The following DPP6 variants were observed in gnomAD, a reference collection of about 807,000 sequenced individuals.
The protein encoded by DPP6 is A-type potassium channel modulatory protein DPP6.
A neutral mutation model predicts 122.6 loss-of-function variants in DPP6; 69 were observed. That is an observed-to-expected ratio of 0.56 (90% CI 0.46 to 0.69). The LOEUF is 0.69. Ranked by LOEUF, DPP6 falls within the 30% of genes least tolerant of loss-of-function variation. The pLI is 0.00. For synonymous variants in DPP6, 418 were observed against 433.1 expected, an observed-to-expected ratio of 0.97 and a Z score of 0.43; for missense variants, 928 against 1,116.9, an observed-to-expected ratio of 0.83 and a Z score of 2.41.
At position 154,801,862 on chromosome 7, in the gene DPP6, A is replaced by C. The variant is rs1587186912; in HGVS notation, c.1407+400A>C. The stretch of plus-strand genomic sequence containing the variant: ...ACATCCCTCAGGGGTCCAGCCTCCC[A>C]TGCTGCCCTACCTCCACCCGGAGTT... On this transcript the variant is annotated intron_variant, in intron 13 of 25. Transcript: ENST00000377770. Among the ~76,000 whole-genome samples the C allele has an allele frequency of 2.0e-5, 3 of 151,986 alleles. No individual in the cohort carries two copies. The East Asian group carries it at 5.8e-4, about 29-fold the overall frequency.
chr7:154,520,082 C>T (rs1355330569), intron 3 of DPP6, among the ~76,000 whole-genome samples: 1 of 152,122 alleles, frequency 6.6e-6, no homozygotes, highest in Non-Finnish European at 1.5e-5. Flanking sequence ...CCAAATTCTC[C>T]TGATTCCAAA....
At chr7:154,798,906 G>A (rs947977790) in intron 12 of DPP6, among the ~76,000 whole-genome samples, 1 of 152,190 alleles carries the variant, frequency 6.6e-6, no homozygotes, top group African/African-American at 2.4e-5. Flanking sequence ...GACTGAACCT[G>A]CCACCTGCTG....
chr7:154,060,619 G>T (rs1224109303), intron 1 of DPP6, among the ~76,000 whole-genome samples: 233 of 108,698 alleles, frequency 2.1e-3, no homozygotes, highest in Middle Eastern at 8.5e-3. Context: ...CCCTGGCTCT[G>T]AGGACCCCCA....
chr7:154,354,870 C>T (rs539442060), intron 1 of DPP6, among the ~76,000 whole-genome samples: 6 of 152,296 alleles, frequency 3.9e-5, no homozygotes, highest in South Asian at 4.1e-4. Context: ...TAAGTGCATG[C>T]GTTTATATTG....
chr7:154,382,251 AAT>A (rs1279389818), intron 1 of DPP6, among the ~76,000 whole-genome samples: 1 of 151,800 alleles, frequency 6.6e-6, no homozygotes, highest in Non-Finnish European at 1.5e-5. Flanking sequence ...GCAGTGCTGC[AAT>A]CTTGGCTCAC....
intron 1 of DPP6, among the ~76,000 whole-genome samples, chr7:154,076,174 G>A (rs1156291207): frequency 6.6e-6 from 1 of 152,164 alleles, no homozygotes; most frequent in Non-Finnish European, 1.5e-5. Flanking sequence ...AAAAGGCTGG[G>A]CGCAGTGCCT....
intron 1 of DPP6, among the ~76,000 whole-genome samples, chr7:154,160,224 T>C (rs1796910053): frequency 6.6e-6 from 1 of 151,930 alleles, no homozygotes; most frequent in South Asian, 2.1e-4. Context: ...CTCCAGGTGT[T>C]TCTGGGTGTT....
chr7:154,388,997 A>AT (rs1358103992), intron 1 of DPP6, among the ~76,000 whole-genome samples: 3 of 152,008 alleles, frequency 2.0e-5, no homozygotes, highest in African/African-American at 7.2e-5. Context: ...GAGCGTTTTG[A>AT]TTTTTCTTTC....
rs536901558 is a variant in DPP6, at chr7:154,483,055, A to G, written c.457+8018A>G. 9.9e-5 allele frequency among the ~76,000 whole-genome samples: 15 copies of G among 152,116 alleles called. No homozygotes were observed. The East Asian group carries it at 2.7e-3, about 28-fold the overall frequency. On this transcript the variant is annotated intron_variant, in intron 3 of 25. Transcript: ENST00000377770. This position sits in a 1 kb window ranked among gnomAD's most constrained non-coding sequence, Gnocchi z 8.1. ...TGGAGCCATCTGGAGGACCATGGAA[A>G]GCGTGGGTTGTGGAGGTACTGCTCA... is the stretch of plus-strand genomic sequence containing the variant.
At chr7:153,964,979 CCTTCCTTCCTTCCTTCCTTT>C (rs1487870900) in intron 1 of DPP6, among the ~76,000 whole-genome samples, 12 of 60,270 alleles carry the variant, frequency 2.0e-4, no homozygotes, top group African/African-American at 1.3e-3. Context: ...ATTTCTTTTC[CCTTCCTTCCTTCCTTCCTTT>C]CTTCCTTCCT....
intron 1 of DPP6, among the ~76,000 whole-genome samples, chr7:154,342,889 T>C (rs1370692668): frequency 6.6e-6 from 1 of 152,216 alleles, no homozygotes; most frequent in South Asian, 2.1e-4. Flanking sequence ...CAAGGTAAAC[T>C]GAAATGATCA....
chr7:154,341,293 C>A (rs1046939755), intron 1 of DPP6, among the ~76,000 whole-genome samples: 1 of 152,122 alleles, frequency 6.6e-6, no homozygotes. Flanking sequence ...GTGCAGGCTG[C>A]GGTGTCTGGC....
intron 6 of DPP6, among the ~76,000 whole-genome samples, chr7:154,660,609 A>G (rs1421309045): frequency 7.4e-6 from 1 of 135,428 alleles, no homozygotes; most frequent in African/African-American, 3.0e-5. Context: ...GTGAATCACC[A>G]TGGCATATTG....
intron 2 of DPP6, among the ~76,000 whole-genome samples, chr7:154,463,401 G>T (rs2151322289): frequency 6.6e-6 from 1 of 151,742 alleles, no homozygotes; most frequent in African/African-American, 2.4e-5. Flanking sequence ...TAGAGACGGG[G>T]TTTCACCGTG....
chr7:154,285,604 A>G (rs1030940994), intron 1 of DPP6, among the ~76,000 whole-genome samples: 3 of 152,204 alleles, frequency 2.0e-5, no homozygotes, highest in African/African-American at 7.2e-5. Flanking sequence ...TTATTATAAA[A>G]TCACAGCCAT....
intron 1 of DPP6, among the ~76,000 whole-genome samples, chr7:154,280,595 T>A (rs1804436757): frequency 2.4e-5 from 2 of 84,596 alleles, no homozygotes; most frequent in African/African-American, 6.6e-5. Flanking sequence ...TATTAATAAT[T>A]AGCTATTAAT....
chr7:154,701,322 G>A (rs1840515129), intron 7 of DPP6, among the ~76,000 whole-genome samples: 1 of 152,188 alleles, frequency 6.6e-6, no homozygotes, highest in Admixed American at 6.5e-5. Flanking sequence ...GTCCAGTGCT[G>A]TGCCCAGGTT....
chr7:154,324,867 A>ATTTT (rs143944650), intron 1 of DPP6, among the ~76,000 whole-genome samples: 51,474 of 112,628 alleles, frequency 0.46, 13,069 homozygotes, highest in East Asian at 0.55. Flanking sequence ...TCCTTTTGTT[A>ATTTT]TTTTTTTTTT....
chr7:154,848,341 T>C (rs913817647), intron 16 of DPP6, among the ~76,000 whole-genome samples: 28 of 64,158 alleles, frequency 4.4e-4, no homozygotes, highest in Non-Finnish European at 1.1e-3. Flanking sequence ...CTTGTTAGCT[T>C]TTTTTTCTTT....
Sources: allele counts gnomAD v4.1 joint callset (sites outside exome capture counted in the v4.1 genomes callset), GRCh38; gene constraint gnomAD v4.1.1; non-coding constraint Gnocchi (gnomAD v3.1); transcripts MANE v1.5; gene names NCBI Gene and HGNC (gene_info 2026-07-23, HGNC 2026-07-21).